AGO3: variants seen among roughly 807,000 people sequenced by gnomAD.
The protein encoded by AGO3 is argonaute RISC catalytic component 3.
AGO3 carries 16 observed loss-of-function variants against 105.5 expected under a neutral mutation model. The ratio of observed to expected loss-of-function variants is 0.15; its 90% confidence interval spans 0.10 to 0.23. The LOEUF is 0.23. AGO3 is among the 10% of genes least tolerant of loss of function. The pLI, the probability that AGO3 is intolerant of heterozygous loss-of-function variation, is 1.00. For missense variants in AGO3, 534 were observed against 1,088.0 expected (o/e 0.49, Z 7.16); for synonymous variants, 340 against 367.3 (o/e 0.93, Z 0.85).
intron 17 of AGO3, among the ~76,000 whole-genome samples, chr1:36,050,908 CCTT>C (rs1642690638): frequency 6.6e-6 from 1 of 151,916 alleles, no homozygotes; most frequent in Non-Finnish European, 1.5e-5. Flanking sequence ...CTCACAGGAA[CCTT>C]CGCCTCCTGG....
At chr1:35,972,748 G>A (rs1040615367) in intron 4 of AGO3, among the ~76,000 whole-genome samples, 1 of 151,534 alleles carries the variant, frequency 6.6e-6, no homozygotes, top group Non-Finnish European at 1.5e-5. Flanking sequence ...GCACAATCAT[G>A]GTTCACTGCA....
chr1:35,957,842 G>A (rs1203484255), intron 2 of AGO3, among the ~76,000 whole-genome samples: 1 of 152,192 alleles, frequency 6.6e-6, no homozygotes, highest in Non-Finnish European at 1.5e-5. Context: ...AAGGCAGGAG[G>A]AGTGCTGGAG....
intron 6 of AGO3, among the ~76,000 whole-genome samples, chr1:36,006,128 G>C (rs1039726008): frequency 1.3e-5 from 2 of 150,210 alleles, no homozygotes; most frequent in Admixed American, 1.3e-4. Flanking sequence ...TTTTAAAGAA[G>C]GCTCTTTAAA....
At chr1:36,018,262 A>G (rs959498439) in intron 11 of AGO3, among the ~76,000 whole-genome samples, 3 of 151,672 alleles carry the variant, frequency 2.0e-5, no homozygotes, top group African/African-American at 7.3e-5. Flanking sequence ...GTGAGCCACC[A>G]TGCCTGGCCG....
chr1:36,001,006 C>T (rs761191086), intron 5 of AGO3, among the ~76,000 whole-genome samples: 1 of 152,054 alleles, frequency 6.6e-6, no homozygotes, highest in East Asian at 1.9e-4. Flanking sequence ...GAGGCCGAGG[C>T]GGGTGGATCA....
chr1:36,055,175 C>G lies in AGO3; in HGVS notation c.2474+30C>G. 6.4e-7 allele frequency: 1 copy of G among 1,553,782 alleles called. No individual in the cohort carries two copies. The highest frequency in any genetic ancestry group is 8.7e-7 in the Non-Finnish European group (1 of 1,145,922). ...TATAAAAGCATAACAGGTTCTCACC[C>G]AAATCCCAATATTGTCTGCATGGTA... On this transcript the variant is annotated intron_variant, in intron 18 of 18. Coordinates refer to ENST00000373191, the MANE Select transcript of AGO3 (RefSeq NM_024852.4). The surrounding 1 kb of genome is among the most constrained non-coding windows in gnomAD (Gnocchi z 4.4).
At position 36,062,141 on chromosome 1, in the gene AGO3, C is replaced by A. The variant is rs2148870430; in HGVS notation, c.*6396C>A. On this transcript the variant is annotated 3_prime_UTR_variant, in exon 19 of 19. Coordinates refer to ENST00000373191, the MANE Select transcript of AGO3 (RefSeq NM_024852.4). ...AATGTAACTTGCCTGGAATCATAGGCAACATTTTCTAATTAATCTTTTTTT... is the reference window on the plus strand; with the variant it reads ...AATGTAACTTGCCTGGAATCATAGGAAACATTTTCTAATTAATCTTTTTTT... 1 of 150,282 alleles carries A rather than the reference C, an allele frequency of 6.7e-6. No individual in the cohort carries two copies. Among genetic ancestry groups the A allele is most frequent in the Admixed American group, 6.6e-5 (1 of 15,054 alleles). The allele number at this position is 150,282 out of a possible 1,614,324, so 9.3% of individuals were successfully genotyped here. A position where few individuals can be genotyped will look rare whatever the true frequency, so the allele number is the denominator to read the frequency against.
chr1:36,029,431 G>A (rs1428224069), intron 12 of AGO3, among the ~76,000 whole-genome samples: 1 of 123,460 alleles, frequency 8.1e-6, no homozygotes, highest in Non-Finnish European at 1.6e-5. Context: ...GTCTCGCTCT[G>A]TCGCCCAGGT....
intron 1 of AGO3, among the ~76,000 whole-genome samples, chr1:35,943,180 A>G (rs1330013450): frequency 6.6e-6 from 1 of 150,464 alleles, no homozygotes; most frequent in Non-Finnish European, 1.5e-5. Flanking sequence ...ATTTTTTTGT[A>G]TTTTTTTGGT....
chr1:35,971,940 C>G (rs1238423885), intron 3 of AGO3, 84 bp from the exon 4 acceptor site: 3 of 1,304,032 alleles, frequency 2.3e-6, no homozygotes, highest in Admixed American at 4.3e-5. Context: ...CATGTTTTCT[C>G]TTAGATATTT....
intron 11 of AGO3, among the ~76,000 whole-genome samples, chr1:36,024,010 T>C (rs1641370128): frequency 6.6e-6 from 1 of 152,030 alleles, no homozygotes; most frequent in African/African-American, 2.4e-5. Flanking sequence ...ACCTCCATTC[T>C]CTCCCCTCCC....
At chr1:35,939,614 A>G (rs1312342013) in intron 1 of AGO3, among the ~76,000 whole-genome samples, 1 of 152,158 alleles carries the variant, frequency 6.6e-6, no homozygotes, top group Non-Finnish European at 1.5e-5. Flanking sequence ...TCCCTAAAAT[A>G]GTCTATCAGA....
Position 35,987,306 on chromosome 1 carries a change from C to T in AGO3, c.658+13795C>T, listed in dbSNP as rs536766772. Among the ~76,000 whole-genome samples the T allele has an allele frequency of 1.6e-4, 24 of 149,206 alleles. No individual in the cohort carries two copies. In the East Asian group the frequency reaches 2.4e-3, roughly 15 times the overall value. On this transcript the variant is annotated intron_variant, in intron 5 of 18. Coordinates refer to ENST00000373191, the MANE Select transcript of AGO3 (RefSeq NM_024852.4). ...TCATGCCACTGCGCTCCAGCCTGGG[C>T]GACAGAACAAGATTCTGTCTCAGAA...
intron 5 of AGO3, among the ~76,000 whole-genome samples, chr1:35,975,425 T>G (rs150086487): frequency 4.6e-5 from 7 of 152,350 alleles, no homozygotes; most frequent in South Asian, 2.1e-4. Context: ...ATTTTTCGTC[T>G]TCTTATTTAC....
At position 36,055,751 on chromosome 1, in the gene AGO3, C is replaced by T; in HGVS notation, c.*6C>T. 1.9e-6 allele frequency: 3 copies of T among 1,612,652 alleles called. No individual in the cohort carries two copies. Among genetic ancestry groups the T allele is most frequent in the Non-Finnish European group, 2.5e-6 (3 of 1,178,818 alleles). ...GCACAATGTACTTCGCTTAAATAGTCCAAGTATATTCTCTGAGAGGAAGTA... is the reference window on the plus strand; with the variant it reads ...GCACAATGTACTTCGCTTAAATAGTTCAAGTATATTCTCTGAGAGGAAGTA... On this transcript the variant is annotated 3_prime_UTR_variant, in exon 19 of 19. Coordinates refer to ENST00000373191, the MANE Select transcript of AGO3 (RefSeq NM_024852.4). This position sits in a 1 kb window ranked among gnomAD's most constrained non-coding sequence, Gnocchi z 4.4.
intron 2 of AGO3, among the ~76,000 whole-genome samples, chr1:35,953,974 C>CT (rs774849962): frequency 1.3e-5 from 2 of 152,166 alleles, no homozygotes; most frequent in Non-Finnish European, 2.9e-5. Context: ...GAAGCACAAA[C>CT]TTTTAAAATT....
At chr1:36,031,234 AG>A (rs1641758677) in intron 12 of AGO3, among the ~76,000 whole-genome samples, 1 of 151,922 alleles carries the variant, frequency 6.6e-6, no homozygotes, top group Non-Finnish European at 1.5e-5. Flanking sequence ...GGCTATTGTC[AG>A]GCATGACCAT....
intron 17 of AGO3, among the ~76,000 whole-genome samples, chr1:36,048,568 T>G (rs1054400170): frequency 5.3e-5 from 8 of 151,678 alleles, no homozygotes; most frequent in African/African-American, 9.7e-5. Flanking sequence ...ACCATGATAA[T>G]AAGAAGAAAG....
rs1190220250 is a variant in AGO3 at position 36,069,540 on chromosome 1, T to C, written c.*13795T>C. On this transcript the variant is annotated 3_prime_UTR_variant, in exon 19 of 19. Coordinates refer to ENST00000373191, the MANE Select transcript of AGO3 (RefSeq NM_024852.4). ...GTGAAAATGTCTTTGTTGTAGATCA[T>C]TTTATGAAATAGGAATAAGAGAAAC... 6.6e-6 allele frequency: 1 copy of C among 152,226 alleles called. No homozygotes were observed. The allele number at this position is 152,226 out of a possible 1,614,324, so 9.4% of individuals were successfully genotyped here.
Sources: gnomAD v4.1 joint callset for allele counts (sites outside exome capture counted in the v4.1 genomes callset) on GRCh38, gnomAD v4.1.1 for gene constraint, Gnocchi (gnomAD v3.1) non-coding constraint, MANE v1.5 for transcripts, NCBI Gene and HGNC (gene_info 2026-07-23, HGNC 2026-07-21) for gene names.